The following TRANK1 variants were observed in gnomAD, a reference collection of about 807,000 sequenced individuals.
TRANK1 encodes tetratricopeptide repeat and ankyrin repeat containing 1, also known as TPR and ankyrin repeat-containing protein 1.
In TRANK1, 198 loss-of-function variants were observed where a neutral mutation model predicts 266.0. That is an observed-to-expected ratio of 0.74 (90% CI 0.66 to 0.84). The LOEUF (loss-of-function observed/expected upper bound fraction) is 0.84, where lower values mean the gene tolerates loss of function less well. Among genes scored for constraint, TRANK1 ranks in the 40% least tolerant of loss-of-function variants. The pLI is 0.00. For missense variants in TRANK1, 3,326 were observed against 3,634.6 expected, an observed-to-expected ratio of 0.92 and a Z score of 2.18; for synonymous variants, 1,396 against 1,384.1, an observed-to-expected ratio of 1.01 and a Z score of -0.19.
In TRANK1 at chr3:36,852,786, A is replaced by AC. The variant is rs1349494000; in HGVS notation, c.4550-442_4550-441insG. On this transcript the variant is annotated intron_variant, in intron 13 of 23. Coordinates refer to ENST00000645898, the MANE Select transcript of TRANK1 (RefSeq NM_001329998.2). ...GACTCCATCTCAATTAAAAAAAAAA[A>AC]AAAAAAAAAAAAACAATGAGAGCTG... 1.1e-3 allele frequency among the ~76,000 whole-genome samples: 160 copies of AC among 150,780 alleles called. No individual in the cohort carries two copies. The East Asian group carries it at 0.016, about 15-fold the overall frequency.
At chr3:36,853,478 GA>G (rs1289047635) in intron 13 of TRANK1, among the ~76,000 whole-genome samples, 7 of 152,192 alleles carry the variant, frequency 4.6e-5, no homozygotes, top group Non-Finnish European at 1.0e-4. Flanking sequence ...AGCCTAAGTG[GA>G]AACTGCTGAA....
chr3:36,930,435 G>A (rs1236406639), intron 1 of TRANK1, among the ~76,000 whole-genome samples: 2 of 152,156 alleles, frequency 1.3e-5, no homozygotes, highest in African/African-American at 4.8e-5. Flanking sequence ...TTCGCCATGT[G>A]AAACCAGCCA....
In TRANK1 at chr3:36,833,633, C is replaced by T. The variant is rs758064282; in HGVS notation, c.5950G>A (p.Asp1984Asn). Residue 1984 changes from aspartate to asparagine, a missense_variant, in exon 22 of 24, where the codon GAC becomes AAC. By Grantham distance (23) the Asp-to-Asn change is conservative. Coordinates refer to ENST00000645898, the MANE Select transcript of TRANK1 (RefSeq NM_001329998.2). ...AGACATGAGGCCTGGAAGTCCTTGTCGGCAGTGAGCCTGGCAGCCTCCAGG... is the reference window on the plus strand; with the variant it reads ...AGACATGAGGCCTGGAAGTCCTTGTTGGCAGTGAGCCTGGCAGCCTCCAGG... ...CLLEAARLTA[D>N]KDFQASCLLG... The T allele has an allele frequency of 6.2e-6, 10 of 1,613,802 alleles. No homozygotes were observed. Among genetic ancestry groups the T allele is most frequent in the East Asian group, 2.2e-5 (1 of 44,896 alleles).
rs375925972 is a variant in TRANK1, at chr3:36,892,346, GA to G, written c.637-7del. ...AGTCCAATGAAAACGTATTTCTGGG[GA>G]AAAAAAACACACAGGACAAATTATG... On this transcript the variant is annotated splice_region_variant and splice_polypyrimidine_tract_variant and intron_variant, in intron 6 of 23. Transcript: ENST00000645898. 11 of 1,532,238 alleles carry G rather than the reference GA, an allele frequency of 7.2e-6. No individual in the cohort carries two copies. The East Asian group carries it at 7.3e-5, about 10-fold the overall frequency. 94.9% of individuals were successfully genotyped at this position (1,532,238 alleles called of 1,614,324 possible).
chr3:36,874,003 C>A, intron 9 of TRANK1, 123 bp downstream of exon 9: 2 of 773,984 alleles, frequency 2.6e-6, no homozygotes, highest in Non-Finnish European at 3.6e-6. Context: ...ATTGGTAGGT[C>A]TCACTTCCAT....
At chr3:36,844,514 A>T (rs1409497248) in intron 17 of TRANK1, among the ~76,000 whole-genome samples, 1 of 152,220 alleles carries the variant, frequency 6.6e-6, no homozygotes, top group East Asian at 1.9e-4. Context: ...GGCATGAGCC[A>T]CCACGCCCAG....
intron 8 of TRANK1, chr3:36,880,190 T>A (rs557010947): frequency 5.6e-6 from 1 of 180,076 alleles, no homozygotes; most frequent in African/African-American, 2.5e-5. Flanking sequence ...TTACATCATC[T>A]TCTGGACGAG....
chr3:36,834,791 A>C lies in TRANK1; in HGVS notation c.5634T>G (p.Leu1878=), dbSNP rs571745315. The change falls in exon 21 of 24, where the codon CTT becomes CTG. Residue 1878 remains leucine (L), a synonymous_variant. Transcript: ENST00000645898. Reference sequence around the variant, plus strand: ...CCACTGCAATAGCAGCTTCTTCAAAAAGCTCCTCTTGGCAGTACATTTTGA... The same window carrying C: ...CCACTGCAATAGCAGCTTCTTCAAACAGCTCCTCTTGGCAGTACATTTTGA... ...LALKMYCQEE[L]FEEAAIAVEK... 2.5e-6 allele frequency: 4 copies of C among 1,612,398 alleles called. No homozygotes were observed. The highest frequency in any genetic ancestry group is 3.4e-6 in the Non-Finnish European group (4 of 1,179,384).
intron 2 of TRANK1, among the ~76,000 whole-genome samples, chr3:36,905,165 G>A (rs2079945823): frequency 6.6e-6 from 1 of 152,036 alleles, no homozygotes; most frequent in Non-Finnish European, 1.5e-5. Context: ...GCAGGTGCCT[G>A]TAGTCCCAGC....
chr3:36,940,959 G>T (rs1386965600), intron 1 of TRANK1, among the ~76,000 whole-genome samples: 1 of 152,166 alleles, frequency 6.6e-6, no homozygotes, highest in Non-Finnish European at 1.5e-5. Flanking sequence ...ATCAGTGATT[G>T]AGCCTCCAGG....
In TRANK1 at chr3:36,828,370, C is replaced by T. The variant is rs2078654321; in HGVS notation, c.8815G>A (p.Val2939Ile). ...TCATTTTCATAATCATCTTCCTGAA[C>T]AATACCTGAAGAAAGAAAGAAGGAA... is the stretch of plus-strand genomic sequence containing the variant. ...TETRLKKEGI[V>I]QEDDYENEVE... Residue 2939 changes from valine (V) to isoleucine (I), a missense_variant, in exon 24 of 24, where the codon GTT (valine) becomes ATT (isoleucine). By Grantham distance (29) the Val-to-Ile change is conservative (BLOSUM62 3). Coordinates refer to ENST00000645898, the MANE Select transcript of TRANK1 (RefSeq NM_001329998.2). 5 of 1,326,904 alleles carry T rather than the reference C, an allele frequency of 3.8e-6. No individual in the cohort carries two copies. The highest frequency in any genetic ancestry group is 5.0e-6 in the Non-Finnish European group (5 of 1,008,222). The allele number at this position is 1,326,904 out of a possible 1,614,324, so 82.2% of individuals were successfully genotyped here.
intron 7 of TRANK1, among the ~76,000 whole-genome samples, chr3:36,891,805 C>T (rs1279505025): frequency 1.3e-5 from 2 of 152,226 alleles, no homozygotes; most frequent in East Asian, 3.8e-4. Context: ...TCCCACAACA[C>T]AGCCGTCAAC....
intron 17 of TRANK1, among the ~76,000 whole-genome samples, chr3:36,845,546 C>T (rs1271821126): frequency 6.6e-6 from 1 of 152,172 alleles, no homozygotes; most frequent in Non-Finnish European, 1.5e-5. Context: ...CATGCATAAA[C>T]ATTCTATTCT....
At chr3:36,845,882 C>T (rs988127828) in intron 17 of TRANK1, among the ~76,000 whole-genome samples, 2 of 152,214 alleles carry the variant, frequency 1.3e-5, no homozygotes, top group African/African-American at 4.8e-5. Context: ...TATATCCCTA[C>T]AAGTGGAACT....
intron 17 of TRANK1, 86 bp from the exon 18 acceptor site, chr3:36,842,796 G>T (rs1426301567): frequency 3.4e-6 from 4 of 1,167,788 alleles, no homozygotes; most frequent in Non-Finnish European, 5.0e-6. Context: ...CATCTCCTCC[G>T]CCAGCCATCA....
chr3:36,877,396 T>C (rs973025097), intron 8 of TRANK1, among the ~76,000 whole-genome samples: 1 of 152,116 alleles, frequency 6.6e-6, no homozygotes, highest in Non-Finnish European at 1.5e-5. Context: ...TTAAATAAAA[T>C]TAAAATGTAT....
chr3:36,910,169 A>C (rs562571227), intron 1 of TRANK1, among the ~76,000 whole-genome samples: 3 of 152,368 alleles, frequency 2.0e-5, no homozygotes, highest in Non-Finnish European at 1.5e-5. Context: ...ATTGCTACTA[A>C]ATATATGAAA....
chr3:36,851,073 A>G (rs2078978842), intron 15 of TRANK1: 2 of 985,390 alleles, frequency 2.0e-6, no homozygotes, highest in Admixed American at 1.2e-4. Flanking sequence ...ATAATGAACT[A>G]AGCTTGGGGA....
At chr3:36,871,315 G>A (rs2079305474) in intron 9 of TRANK1, among the ~76,000 whole-genome samples, 1 of 152,192 alleles carries the variant, frequency 6.6e-6, no homozygotes, top group African/African-American at 2.4e-5. Context: ...TTGAACCGGG[G>A]AGGCGGAGGT....
Sources: allele counts gnomAD v4.1 joint callset (sites outside exome capture counted in the v4.1 genomes callset), GRCh38; gene constraint gnomAD v4.1.1; transcripts MANE v1.5; gene names NCBI Gene and HGNC (gene_info 2026-07-23, HGNC 2026-07-21).